FHIT: variants seen among roughly 807,000 people sequenced by gnomAD.
FHIT encodes bis(5'-adenosyl)-triphosphatase.
FHIT carries 19 observed loss-of-function variants against 17.9 expected under a neutral mutation model. The observed-to-expected ratio is 1.06, with a 90% confidence interval of 0.74 to 1.56. The LOEUF (loss-of-function observed/expected upper bound fraction) is 1.56. Among genes scored for constraint, FHIT ranks in the 40% most tolerant of loss-of-function variants. FHIT has a pLI of 0.00. For missense variants in FHIT, 248 were observed against 189.2 expected (o/e 1.31, Z -1.82); for synonymous variants, 81 against 69.7 (o/e 1.16, Z -0.81).
chr3:59,834,428 C>A (rs186667196), intron 8 of FHIT, among the ~76,000 whole-genome samples: 1 of 151,992 alleles, frequency 6.6e-6, no homozygotes, highest in South Asian at 2.1e-4. Flanking sequence ...GAGAGAGAGA[C>A]AGAGAGACAG....
At chr3:61,193,522 C>G (rs988938222) in intron 2 of FHIT, among the ~76,000 whole-genome samples, 1 of 152,176 alleles carries the variant, frequency 6.6e-6, no homozygotes, top group Non-Finnish European at 1.5e-5. Context: ...TATGCTATAA[C>G]AGACCTGCAG....
At chr3:60,792,559 G>A (rs1217044802) in intron 4 of FHIT, among the ~76,000 whole-genome samples, 1 of 152,154 alleles carries the variant, frequency 6.6e-6, no homozygotes, top group Non-Finnish European at 1.5e-5. Flanking sequence ...GGCTCACACT[G>A]ACAACCAGCA....
chr3:60,562,725 C>T (rs1046167286), intron 4 of FHIT, among the ~76,000 whole-genome samples: 1 of 152,132 alleles, frequency 6.6e-6, no homozygotes, highest in East Asian at 1.9e-4. Flanking sequence ...CTTGACCTGA[C>T]CCCTAGGTAA....
chr3:59,993,325 C>T (rs142198583), intron 7 of FHIT, among the ~76,000 whole-genome samples: 131 of 152,192 alleles, frequency 8.6e-4, no homozygotes, highest in African/African-American at 3.0e-3. Flanking sequence ...CTTGTAACAA[C>T]ATCCTACAAA....
At chr3:60,230,152 ACAC>A (rs1395260798) in intron 5 of FHIT, among the ~76,000 whole-genome samples, 1 of 152,154 alleles carries the variant, frequency 6.6e-6, no homozygotes, top group African/African-American at 2.4e-5. Context: ...TCCTCAGTTC[ACAC>A]CACCACATTT....
At chr3:60,721,982 G>T (rs563298701) in intron 4 of FHIT, among the ~76,000 whole-genome samples, 1 of 152,090 alleles carries the variant, frequency 6.6e-6, no homozygotes, top group Non-Finnish European at 1.5e-5. Flanking sequence ...GAGCTGGAGA[G>T]CACCAAAATT....
In FHIT at chr3:60,312,967, G is replaced by A. The variant is rs149041582; in HGVS notation, c.103+223893C>T. Among the ~76,000 whole-genome samples the A allele has an allele frequency of 4.4e-3, 663 of 152,286 alleles. 2 individuals are homozygous for A. The highest frequency in any genetic ancestry group is 0.015 in the African/African-American group (605 of 41,566). On this transcript the variant is annotated intron_variant, in intron 5 of 9. Transcript: ENST00000492590. ...TGTTCACAATGACACGCATGAGACC[G>A]AGTGCATCCATAACCCAGTTGATTC...
chr3:60,043,525 G>A (rs556691081), intron 5 of FHIT, among the ~76,000 whole-genome samples: 1 of 152,288 alleles, frequency 6.6e-6, no homozygotes, highest in African/African-American at 2.4e-5. Context: ...ACAGAGTAAA[G>A]GTTAAATCTG....
chr3:60,427,695 A>G (rs1277514430), intron 5 of FHIT, among the ~76,000 whole-genome samples: 1 of 152,128 alleles, frequency 6.6e-6, no homozygotes, highest in Non-Finnish European at 1.5e-5. Flanking sequence ...AGTTACTTTA[A>G]TAACCATCTA....
At chr3:60,977,052 T>A (rs945472644) in intron 3 of FHIT, among the ~76,000 whole-genome samples, 1 of 152,102 alleles carries the variant, frequency 6.6e-6, no homozygotes, top group Non-Finnish European at 1.5e-5. Context: ...GGTGTATGAG[T>A]TTCCTGTTGA....
chr3:59,879,913 TCCCCCACCCCCCCC>T (rs1251274239), intron 8 of FHIT, among the ~76,000 whole-genome samples: 12 of 107,864 alleles, frequency 1.1e-4, no homozygotes, highest in African/African-American at 6.9e-4. Context: ...ACCAATCATT[TCCCCCACCCCCCCC>T]CCCCCGCCCC....
chr3:60,802,076 C>A (rs1553732491), intron 4 of FHIT, among the ~76,000 whole-genome samples: 3 of 152,192 alleles, frequency 2.0e-5, no homozygotes, highest in Admixed American at 1.3e-4. Context: ...CAGTTCATTA[C>A]TGTCATTATG....
At chr3:59,772,417 T>C (rs1453727219) in intron 8 of FHIT, among the ~76,000 whole-genome samples, 2 of 145,800 alleles carry the variant, frequency 1.4e-5, no homozygotes, top group East Asian at 5.2e-4. Context: ...CAGTGAACAC[T>C]GACTGTGTGC....
intron 4 of FHIT, among the ~76,000 whole-genome samples, chr3:60,766,999 C>G (rs570301887): frequency 1.3e-5 from 2 of 152,122 alleles, no homozygotes; most frequent in African/African-American, 4.8e-5. Context: ...CATCCTAATG[C>G]GAAATGATTA....
chr3:60,126,616 G>C (rs1002025192), intron 5 of FHIT, among the ~76,000 whole-genome samples: 1 of 152,106 alleles, frequency 6.6e-6, no homozygotes, highest in African/African-American at 2.4e-5. Flanking sequence ...ACCCACATGA[G>C]TATCAACCAA....
At chr3:60,153,277 T>G (rs967006667) in intron 5 of FHIT, among the ~76,000 whole-genome samples, 1 of 150,620 alleles carries the variant, frequency 6.6e-6, no homozygotes, top group African/African-American at 2.4e-5. Flanking sequence ...TGTTTTCTCA[T>G]GGCCTCTTCA....
At chr3:60,582,289 A>G (rs1310507135) in intron 4 of FHIT, among the ~76,000 whole-genome samples, 4 of 152,114 alleles carry the variant, frequency 2.6e-5, no homozygotes, top group African/African-American at 9.7e-5. Context: ...CTAGTCATTA[A>G]AGGCATGAAT....
chr3:60,264,026 G>A (rs927856374), intron 5 of FHIT, among the ~76,000 whole-genome samples: 4 of 151,604 alleles, frequency 2.6e-5, no homozygotes, highest in African/African-American at 9.7e-5. Context: ...AACTTGTTAT[G>A]TCCTGAGGTG....
chr3:60,120,361 T>C (rs2107217435), intron 5 of FHIT, among the ~76,000 whole-genome samples: 1 of 152,322 alleles, frequency 6.6e-6, no homozygotes, highest in East Asian at 1.9e-4. Flanking sequence ...TGAGGCAGGG[T>C]TAAAGATATT....
Sources: allele counts gnomAD v4.1 joint callset (sites outside exome capture counted in the v4.1 genomes callset), GRCh38; gene constraint gnomAD v4.1.1; transcripts MANE v1.5; gene names NCBI Gene and HGNC (gene_info 2026-07-23, HGNC 2026-07-21).